The following PLAC8L1 variants were observed in gnomAD, a reference collection of about 807,000 sequenced individuals.
PLAC8L1 encodes the protein PLAC8-like protein 1.
A neutral mutation model predicts 16.3 loss-of-function variants in PLAC8L1; 13 were observed. The ratio of observed to expected loss-of-function variants is 0.80; its 90% CI spans 0.52 to 1.27. The LOEUF is 1.27. PLAC8L1 is among the 50% of genes most tolerant of loss of function. The pLI, the probability that PLAC8L1 is intolerant of heterozygous loss-of-function variation, is 0.00. For synonymous variants in PLAC8L1, 78 were observed against 79.3 expected (o/e 0.98, Z 0.09); for missense variants, 184 against 220.2 (o/e 0.84, Z 1.04).
chr5:146,102,007 G>A (rs1348233639), intron 1 of PLAC8L1, among the ~76,000 whole-genome samples: 3 of 148,794 alleles, frequency 2.0e-5, no homozygotes, highest in Non-Finnish European at 4.5e-5. Context: ...TTTCCTTAAT[G>A]GAAAAAGAAA....
At chr5:146,089,073 G>A (rs933066795) in intron 2 of PLAC8L1, among the ~76,000 whole-genome samples, 1 of 152,142 alleles carries the variant, frequency 6.6e-6, no homozygotes, top group African/African-American at 2.4e-5. Context: ...AACTGATAAA[G>A]AGAAATGCCC....
At chr5:146,098,556 T>C (rs1012587818) in intron 1 of PLAC8L1, among the ~76,000 whole-genome samples, 1 of 152,206 alleles carries the variant, frequency 6.6e-6, no homozygotes, top group African/African-American at 2.4e-5. Context: ...ACTTCCTCAG[T>C]GTTTCAAATA....
At chr5:146,089,209 G>A (rs566481483) in intron 2 of PLAC8L1, among the ~76,000 whole-genome samples, 10 of 151,486 alleles carry the variant, frequency 6.6e-5, no homozygotes, top group Admixed American at 1.3e-4. Flanking sequence ...TAATCTTTTT[G>A]TCATATAATC....
rs1323127141 is a variant in PLAC8L1, at chr5:146,089,778, G to A, written c.257-4181C>T. Among the ~76,000 whole-genome samples the A allele has an allele frequency of 7.0e-5, 10 of 143,298 alleles. No individual in the cohort carries two copies. The East Asian group carries it at 1.0e-3, about 14-fold the overall frequency. The allele number at this position is 143,298 out of a possible 152,430, so 94.0% of individuals were successfully genotyped here. ...TTTTGAGATGAAGTCTTCCTCTGTC[G>A]CCCAGGCTGGAGTTCAATGGCACAA... On this transcript the variant is annotated intron_variant, in intron 2 of 3. Transcript: ENST00000311450.
At chr5:146,095,463 C>T (rs1561784245) in intron 2 of PLAC8L1, among the ~76,000 whole-genome samples, 1 of 152,076 alleles carries the variant, frequency 6.6e-6, no homozygotes, top group Non-Finnish European at 1.5e-5. Context: ...AGTGAGAATT[C>T]CTTGACCAGC....
At position 146,098,166 on chromosome 5, in the gene PLAC8L1, A is replaced by G. The variant is rs936173924; in HGVS notation, c.246T>C (p.Asp82=). 5.0e-6 allele frequency: 8 copies of G among 1,611,712 alleles called. No individual in the cohort carries two copies. The highest frequency in any genetic ancestry group is 6.8e-6 in the Non-Finnish European group (8 of 1,178,634). The change falls in exon 2 of 4, where the codon GAT becomes GAC. Residue 82 remains aspartate (D), a synonymous_variant. Coordinates refer to ENST00000311450, the MANE Select transcript of PLAC8L1 (RefSeq NM_001029869.3). ...WSTGLFSVCR[D]RRICFCGLFC... ...GGAGGAAAAACTTACAAATTCTCCTATCTCTGCAGACACTGAAGAGACCGG... is the reference window on the plus strand; with the variant it reads ...GGAGGAAAAACTTACAAATTCTCCTGTCTCTGCAGACACTGAAGAGACCGG...
At chr5:146,096,938 G>A (rs1763727534) in intron 2 of PLAC8L1, among the ~76,000 whole-genome samples, 1 of 152,208 alleles carries the variant, frequency 6.6e-6, no homozygotes, top group Non-Finnish European at 1.5e-5. Flanking sequence ...AAGACTCTCA[G>A]CTGAATGAGG....
chr5:146,091,742 C>A (rs1409406276), intron 2 of PLAC8L1, among the ~76,000 whole-genome samples: 3 of 152,254 alleles, frequency 2.0e-5, no homozygotes, highest in Non-Finnish European at 1.5e-5. Flanking sequence ...TCCGCGGTTA[C>A]AATGAGCTGT....
In PLAC8L1 at chr5:146,098,240, C is replaced by T. The variant is rs1431198416; in HGVS notation, c.172G>A (p.Gly58Ser). ...VVKQPVRGASGRTTITAIVQT... is the reference protein window; with the variant it reads ...VVKQPVRGASSRTTITAIVQT... ...ACAATTGCTGTGATTGTCGTCCTGCCACTGGCTCCCCGAACAGGCTGCTTC... is the reference window on the plus strand; with the variant it reads ...ACAATTGCTGTGATTGTCGTCCTGCTACTGGCTCCCCGAACAGGCTGCTTC... Residue 58 changes from glycine (G) to serine (S), a missense_variant, in exon 2 of 4, where the codon GGC becomes AGC. Gly to Ser is a moderately conservative substitution (Grantham distance 56). Transcript: ENST00000311450. 6.2e-7 allele frequency: 1 copy of T among 1,614,162 alleles called. No homozygotes were observed. The highest frequency in any genetic ancestry group is 8.5e-7 in the Non-Finnish European group (1 of 1,180,022).
chr5:146,086,723 T>C (rs1028534679), intron 2 of PLAC8L1, among the ~76,000 whole-genome samples: 1 of 152,180 alleles, frequency 6.6e-6, no homozygotes, highest in Non-Finnish European at 1.5e-5. Context: ...CACTGAAAAT[T>C]ATTAACAGAC....
intron 2 of PLAC8L1, among the ~76,000 whole-genome samples, chr5:146,089,122 G>T (rs1763567966): frequency 6.6e-6 from 1 of 152,032 alleles, no homozygotes; most frequent in South Asian, 2.1e-4. Context: ...AATTGTTTAA[G>T]TGCATTTGAA....
intron 3 of PLAC8L1, 91 bp from the exon 4 acceptor site, chr5:146,084,663 A>C: frequency 4.7e-6 from 7 of 1,498,672 alleles, no homozygotes; most frequent in Non-Finnish European, 6.3e-6. Context: ...CTGGCCCTTC[A>C]ACCACAGCTT....
chr5:146,101,279 C>A (rs757124682), intron 1 of PLAC8L1, among the ~76,000 whole-genome samples: 12 of 151,480 alleles, frequency 7.9e-5, no homozygotes, highest in Admixed American at 6.6e-5. Flanking sequence ...AGAAAGGCCA[C>A]GTGAGCACAC....
At position 146,084,315 on chromosome 5, in the gene PLAC8L1, G is replaced by A. The variant is rs72820444; in HGVS notation, c.*117C>T. 0.02 allele frequency: 25,650 copies of A among 1,287,352 alleles called. 327 individuals carry two copies. Among genetic ancestry groups the A allele is most frequent in the South Asian group, 0.023 (1,626 of 70,170 alleles). The allele number at this position is 1,287,352 out of a possible 1,614,324, so 79.7% of individuals were successfully genotyped here. ...AGAAAGAAGAACAGTAGAGACAGTA[G>A]GGGGGAAATCATTTATTTTCATACC... On this transcript the variant is annotated 3_prime_UTR_variant, in exon 4 of 4. Coordinates refer to ENST00000311450, the MANE Select transcript of PLAC8L1 (RefSeq NM_001029869.3).
intron 1 of PLAC8L1, among the ~76,000 whole-genome samples, chr5:146,100,147 G>A (rs1164916984): frequency 1.3e-5 from 2 of 152,172 alleles, no homozygotes; most frequent in African/African-American, 4.8e-5. Context: ...CTAGCTAGGT[G>A]GCGATGTCAA....
In PLAC8L1 at chr5:146,104,181, C is replaced by T. The variant is rs375578822; in HGVS notation, c.119+12G>A. Reference sequence around the variant, plus strand: ...AGCAAAAGCTAGGGGAAAAACTCACCCTATTCCCTACCTCAAGTTGGAAAT... The same window carrying T: ...AGCAAAAGCTAGGGGAAAAACTCACTCTATTCCCTACCTCAAGTTGGAAAT... On this transcript the variant is annotated intron_variant, in intron 1 of 3. Coordinates refer to ENST00000311450, the MANE Select transcript of PLAC8L1 (RefSeq NM_001029869.3). The T allele has an allele frequency of 6.2e-7, 1 of 1,612,604 alleles. No individual in the cohort carries two copies. Among genetic ancestry groups the T allele is most frequent in the Non-Finnish European group, 8.5e-7 (1 of 1,179,236 alleles).
At chr5:146,093,905 G>A (rs1358704159) in intron 2 of PLAC8L1, among the ~76,000 whole-genome samples, 3 of 152,206 alleles carry the variant, frequency 2.0e-5, no homozygotes, top group Non-Finnish European at 4.4e-5. Flanking sequence ...AGCTGTTTGA[G>A]CGGCTGACTC....
At chr5:146,089,188 GTTT>G (rs2150034077) in intron 2 of PLAC8L1, among the ~76,000 whole-genome samples, 1 of 151,936 alleles carries the variant, frequency 6.6e-6, no homozygotes, top group East Asian at 1.9e-4. Flanking sequence ...ACACGCTTTT[GTTT>G]TTATTTTTAA....
At chr5:146,085,630 C>T (rs1176105535) in intron 2 of PLAC8L1, 33 bp from the exon 3 acceptor site, 2 of 1,589,522 alleles carry the variant, frequency 1.3e-6, no homozygotes, top group Non-Finnish European at 1.7e-6. Flanking sequence ...AGCCAAGGTT[C>T]TCAGATTTCT....
Sources: allele counts gnomAD v4.1 joint callset (sites outside exome capture counted in the v4.1 genomes callset), GRCh38; gene constraint gnomAD v4.1.1; transcripts MANE v1.5; gene names NCBI Gene and HGNC (gene_info 2026-07-23, HGNC 2026-07-21).